Variants in PBK observed in about 807,000 individuals in gnomAD.
PBK encodes the protein lymphokine-activated killer T-cell-originated protein kinase.
PBK carries 22 observed loss-of-function variants against 33.5 expected under a neutral mutation model. The ratio of observed to expected loss-of-function variants is 0.66; its 90% confidence interval spans 0.47 to 0.94. The LOEUF (loss-of-function observed/expected upper bound fraction) is 0.94. Among genes scored for constraint, PBK ranks in the 40% least tolerant of loss-of-function variants. The pLI is 0.00. For missense variants in PBK, 376 were observed against 383.4 expected (o/e 0.98, Z 0.16); for synonymous variants, 129 against 123.8 (o/e 1.04, Z -0.28).
At chr8:27,833,823 G>C (rs1806177248) in intron 1 of PBK, among the ~76,000 whole-genome samples, 1 of 152,138 alleles carries the variant, frequency 6.6e-6, no homozygotes, top group East Asian at 1.9e-4. Context: ...TGTTCAAGCA[G>C]CATTATTCAT....
Position 27,822,455 on chromosome 8 carries a change from C to T in PBK, c.329G>A (p.Ser110Asn), listed in dbSNP as rs1181261664. Residue 110 changes from serine (S) to asparagine (N), a missense_variant, in exon 5 of 8, where the codon AGT becomes AAT. Physicochemically the swap from Ser to Asn is conservative, Grantham distance 46. Transcript: ENST00000301905. ...TCCATATTCCATAGCAAGACACAGA[C>T]TGCCATCATTGGCTTCAGTAAAAGC... ...YRAFTEANDG[S>N]LCLAMEYGGE... 1 of 1,610,184 alleles carries T rather than the reference C, an allele frequency of 6.2e-7. No homozygotes were observed. The highest frequency in any genetic ancestry group is 8.5e-7 in the Non-Finnish European group (1 of 1,178,184).
intron 6 of PBK, 120 bp from the exon 7 acceptor site, chr8:27,811,254 A>C (rs1014464771): frequency 2.6e-5 from 20 of 771,570 alleles, no homozygotes; most frequent in Non-Finnish European, 4.4e-5. Context: ...GTGTAGCCAG[A>C]AAATGTAAAA....
At chr8:27,834,304 G>T (rs1806188454) in intron 1 of PBK, among the ~76,000 whole-genome samples, 2 of 152,090 alleles carry the variant, frequency 1.3e-5, no homozygotes, top group South Asian at 4.1e-4. Flanking sequence ...TGGGATTACA[G>T]GCATAAGCCA....
At chr8:27,825,105 GTAAC>G (rs1806001009) in intron 3 of PBK, among the ~76,000 whole-genome samples, 1 of 152,144 alleles carries the variant, frequency 6.6e-6, no homozygotes, top group Non-Finnish European at 1.5e-5. Flanking sequence ...GCAGAAGAAA[GTAAC>G]TGACTTAGCC....
At chr8:27,815,497 A>G (rs1359817983) in intron 6 of PBK, among the ~76,000 whole-genome samples, 4 of 152,184 alleles carry the variant, frequency 2.6e-5, no homozygotes, top group Non-Finnish European at 5.9e-5. Flanking sequence ...TACCTTATAT[A>G]TTAGAGGTAC....
At chr8:27,837,587 C>T (rs996055635) in intron 1 of PBK, 65 bp downstream of exon 1, 1 of 152,302 alleles carries the variant, frequency 6.6e-6, no homozygotes, top group African/African-American at 2.4e-5. Flanking sequence ...CACGAAAGCC[C>T]CCGCAGAGGC....
intron 2 of PBK, among the ~76,000 whole-genome samples, chr8:27,831,924 C>T (rs934443886): frequency 4.8e-4 from 73 of 152,032 alleles, no homozygotes; most frequent in Non-Finnish European, 6.6e-4. Flanking sequence ...TGAATTCCAC[C>T]AATTTAAGGA....
intron 6 of PBK, 172 bp from the exon 7 acceptor site, chr8:27,811,306 T>G: frequency 1.6e-6 from 1 of 622,270 alleles, no homozygotes; most frequent in East Asian, 2.7e-5. Flanking sequence ...ACCTTTCAGG[T>G]TGGTAAATAT....
At chr8:27,837,189 G>C (rs1268099763) in intron 1 of PBK, among the ~76,000 whole-genome samples, 1 of 86,064 alleles carries the variant, frequency 1.2e-5, no homozygotes, top group Non-Finnish European at 3.3e-5. Flanking sequence ...CTGTTTAAGA[G>C]GCAGCATTAA....
intron 6 of PBK, among the ~76,000 whole-genome samples, chr8:27,813,135 G>A (rs1455212354): frequency 1.3e-5 from 2 of 152,210 alleles, no homozygotes; most frequent in Non-Finnish European, 2.9e-5. Context: ...ATACTATGCA[G>A]CCATAAAAAA....
chr8:27,829,638 C>A lies in PBK; in HGVS notation c.59-1440G>T, dbSNP rs184410799. 1.6e-3 allele frequency among the ~76,000 whole-genome samples: 247 copies of A among 152,112 alleles called. 2 individuals are homozygous for A. The highest frequency in any genetic ancestry group is 5.6e-3 in the African/African-American group (233 of 41,488). On this transcript the variant is annotated intron_variant, in intron 2 of 7. Transcript: ENST00000301905. ...ATCCCAGCACTTTGGGAGGCCGAGGCAGGCAGATCACTAGGTCAGGAGTTC... is the reference window on the plus strand; with the variant it reads ...ATCCCAGCACTTTGGGAGGCCGAGGAAGGCAGATCACTAGGTCAGGAGTTC...
At chr8:27,832,060 C>T (rs1434269322) in intron 2 of PBK, among the ~76,000 whole-genome samples, 2 of 152,044 alleles carry the variant, frequency 1.3e-5, no homozygotes, top group African/African-American at 4.8e-5. Context: ...CCCAAAAAGA[C>T]AACTGCAGTC....
At chr8:27,830,172 C>T (rs1002546818) in intron 2 of PBK, among the ~76,000 whole-genome samples, 11 of 146,540 alleles carry the variant, frequency 7.5e-5, no homozygotes, top group South Asian at 4.5e-4. Flanking sequence ...CATTGCACTC[C>T]GGCCTGGGTG....
intron 1 of PBK, among the ~76,000 whole-genome samples, chr8:27,835,620 C>T (rs1312906148): frequency 2.0e-5 from 3 of 151,250 alleles, no homozygotes; most frequent in African/African-American, 4.9e-5. Context: ...GGTGCAATCT[C>T]GGCTCACTGC....
rs764651662 is a variant in PBK at position 27,833,005 on chromosome 8, C to A, written c.58+51G>T. The A allele has an allele frequency of 2.1e-5, 22 of 1,067,128 alleles. No homozygotes were observed. In the South Asian group the frequency reaches 3.1e-4, roughly 15 times the overall value. 66.1% of individuals were successfully genotyped at this position (1,067,128 alleles called of 1,614,324 possible). On this transcript the variant is annotated intron_variant, in intron 2 of 7. Coordinates refer to ENST00000301905, the MANE Select transcript of PBK (RefSeq NM_018492.4). ...CAAACTAAATAATACTAGGACATTTCTAAGAGAAACAACAATAGTAAAAAA... is the reference window on the plus strand; with the variant it reads ...CAAACTAAATAATACTAGGACATTTATAAGAGAAACAACAATAGTAAAAAA...
rs113981299 is a variant in PBK at position 27,819,806 on chromosome 8, G to A, written c.595+759C>T. 3.1e-3 allele frequency among the ~76,000 whole-genome samples: 478 copies of A among 152,082 alleles called. 2 individuals carry two copies. The highest frequency in any genetic ancestry group is 9.4e-3 in the African/African-American group (388 of 41,478). On this transcript the variant is annotated intron_variant, in intron 6 of 7. Transcript: ENST00000301905. ...ACTTTCTAAAGTTCCCATTTTGTAAGTTATTTAGCATAAGGTTTCACAACA... is the reference window on the plus strand; with the variant it reads ...ACTTTCTAAAGTTCCCATTTTGTAAATTATTTAGCATAAGGTTTCACAACA...
Position 27,811,132 on chromosome 8 carries a change from T to G in PBK, c.598A>C (p.Thr200Pro), listed in dbSNP as rs1240908497. 2.5e-6 allele frequency: 4 copies of G among 1,613,824 alleles called. No individual in the cohort carries two copies. In the East Asian group the frequency reaches 8.9e-5, roughly 36 times the overall value. ...SLPLDENMTV[T>P]DPEACYIGTE... is the part of the protein sequence containing the mutation. ...CCAATGTAACAAGCCTCAGGGTCAGTCACTGAAACAAGCAAGATGGTTATG... is the reference window on the plus strand; with the variant it reads ...CCAATGTAACAAGCCTCAGGGTCAGGCACTGAAACAAGCAAGATGGTTATG... The change falls in exon 7 of 8, where the codon ACT (threonine) becomes CCT (proline). Residue 200 changes from threonine (T) to proline (P), a missense_variant and splice_region_variant. Coordinates refer to ENST00000301905, the MANE Select transcript of PBK (RefSeq NM_018492.4).
At chr8:27,824,072 G>A (rs1041666683) in intron 3 of PBK, among the ~76,000 whole-genome samples, 4 of 151,874 alleles carry the variant, frequency 2.6e-5, no homozygotes, top group Admixed American at 1.3e-4. Context: ...AACCTTTTTT[G>A]TTTAATCAAA....
chr8:27,810,142 A>G lies in PBK; in HGVS notation c.*163T>C. 3.3e-6 allele frequency: 2 copies of G among 597,184 alleles called. No individual in the cohort carries two copies. The highest frequency in any genetic ancestry group is 2.9e-6 in the Non-Finnish European group (1 of 341,494). The allele number at this position is 597,184 out of a possible 1,614,324, so 37.0% of individuals were successfully genotyped here. The stretch of plus-strand genomic sequence containing the variant: ...GTACAATTCCAAGTGCTTATAGCCA[A>G]TATAAGCATATTTCATATTAGAAAT... On this transcript the variant is annotated 3_prime_UTR_variant, in exon 8 of 8. Transcript: ENST00000301905.
Sources: gnomAD v4.1 joint callset for allele counts (sites outside exome capture counted in the v4.1 genomes callset) on GRCh38, gnomAD v4.1.1 for gene constraint, MANE v1.5 for transcripts, NCBI Gene and HGNC (gene_info 2026-07-23, HGNC 2026-07-21) for gene names.